Variants in FAM177A1 observed in about 807,000 individuals in gnomAD.
FAM177A1 encodes family with sequence similarity 177 member A1.
Under a neutral mutation model 26.1 loss-of-function variants are expected in FAM177A1, and 22 were observed. The ratio of observed to expected loss-of-function variants is 0.84; its 90% CI spans 0.60 to 1.20. The LOEUF is 1.20. Ranked by LOEUF, FAM177A1 falls within the 50% of genes most tolerant of loss-of-function variation. The probability of loss-of-function intolerance (pLI) is 0.00; values close to 1 mark genes in which losing one functional copy is unlikely to be tolerated. For missense variants in FAM177A1, 296 were observed against 291.1 expected, an observed-to-expected ratio of 1.02 and a Z score of -0.12; for synonymous variants, 95 against 99.3, an observed-to-expected ratio of 0.96 and a Z score of 0.26.
chr14:35,080,955 A>G, intron 4 of FAM177A1, 67 bp from the exon 5 acceptor site: 2 of 1,429,436 alleles, frequency 1.4e-6, no homozygotes, highest in Non-Finnish European at 1.8e-6. Flanking sequence ...ACAGTGGGGA[A>G]AACAGCACTA....
intron 2 of FAM177A1, among the ~76,000 whole-genome samples, chr14:35,064,863 A>T (rs2045217054): frequency 6.6e-6 from 1 of 152,218 alleles, no homozygotes; most frequent in Non-Finnish European, 1.5e-5. Flanking sequence ...CGTGTTAGCC[A>T]GGATGGTCTC....
chr14:35,074,799 T>C (rs1234321443), intron 2 of FAM177A1, among the ~76,000 whole-genome samples: 2 of 151,632 alleles, frequency 1.3e-5, no homozygotes, highest in Admixed American at 6.6e-5. Context: ...CCCAGCACTT[T>C]GGGAGGCTGA....
intron 1 of FAM177A1, among the ~76,000 whole-genome samples, chr14:35,052,936 C>T (rs550827037): frequency 6.6e-6 from 1 of 152,124 alleles, no homozygotes. Context: ...AAAAAAATTC[C>T]ATAGACTACT....
chr14:35,077,122 A>G (rs1566675707), intron 2 of FAM177A1, 28 bp from the exon 3 acceptor site: 1 of 1,576,246 alleles, frequency 6.3e-7, no homozygotes, highest in South Asian at 1.1e-5. Context: ...TTAGGTATGA[A>G]TGTTGCTAAC....
chr14:35,064,141 A>C (rs2045203717), intron 2 of FAM177A1, among the ~76,000 whole-genome samples: 2 of 151,272 alleles, frequency 1.3e-5, no homozygotes, highest in East Asian at 1.9e-4. Context: ...TAATCCCAGC[A>C]CTTTGGGAGG....
intron 4 of FAM177A1, among the ~76,000 whole-genome samples, chr14:35,079,641 C>A (rs911819944): frequency 6.6e-6 from 1 of 152,152 alleles, no homozygotes; most frequent in Non-Finnish European, 1.5e-5. Context: ...GCCTCAATCT[C>A]CTCATCTTTG....
chr14:35,071,850 A>T (rs2045326249), intron 2 of FAM177A1, among the ~76,000 whole-genome samples: 2 of 152,176 alleles, frequency 1.3e-5, no homozygotes, highest in Admixed American at 1.3e-4. Flanking sequence ...ATAACTTTTT[A>T]TTCCCCCCAA....
chr14:35,078,817 CCTT>C (rs1218719414), intron 3 of FAM177A1, 107 bp from the exon 4 acceptor site: 38 of 672,640 alleles, frequency 5.6e-5, no homozygotes, highest in Non-Finnish European at 6.9e-6. Flanking sequence ...TTTATAATCT[CCTT>C]GAGAGCAGGA....
At chr14:35,046,912 GGC>G (rs2044876642) in intron 1 of FAM177A1, 1 of 1,230,414 alleles carries the variant, frequency 8.1e-7, no homozygotes. Flanking sequence ...GAAGAAGAAA[GGC>G]GTGTCCCCCA....
intron 4 of FAM177A1, among the ~76,000 whole-genome samples, chr14:35,080,632 C>T (rs1338757130): frequency 6.6e-6 from 1 of 152,050 alleles, no homozygotes; most frequent in East Asian, 1.9e-4. Flanking sequence ...GAAACCCTGT[C>T]TTTACTAAAA....
At chr14:35,067,651 A>G (rs901097070) in intron 2 of FAM177A1, among the ~76,000 whole-genome samples, 3 of 152,180 alleles carry the variant, frequency 2.0e-5, no homozygotes, top group Non-Finnish European at 2.9e-5. Flanking sequence ...CACCAAGTGC[A>G]CCTGGGTTCC....
rs2044869749 is a variant in FAM177A1, at chr14:35,046,633, G to A, written c.165+5G>A. Reference sequence around the variant, plus strand: ...TTCGGGGAATCTGCAGGGCAGGTAGGTGGGGCCGCCGAGGCTGACGTCCGG... The same window carrying A: ...TTCGGGGAATCTGCAGGGCAGGTAGATGGGGCCGCCGAGGCTGACGTCCGG... On this transcript the variant is annotated splice_donor_5th_base_variant and intron_variant, in intron 1 of 4. Coordinates refer to ENST00000280987, the MANE Select transcript of FAM177A1 (RefSeq NM_173607.5). The A allele has an allele frequency of 6.5e-7, 1 of 1,530,090 alleles. No individual in the cohort carries two copies. The highest frequency in any genetic ancestry group is 2.5e-5 in the East Asian group (1 of 39,240). The allele number at this position is 1,530,090 out of a possible 1,614,324, so 94.8% of individuals were successfully genotyped here.
intron 2 of FAM177A1, among the ~76,000 whole-genome samples, chr14:35,058,974 C>T (rs1046886710): frequency 6.6e-6 from 1 of 151,948 alleles, no homozygotes; most frequent in Non-Finnish European, 1.5e-5. Flanking sequence ...GTCACTCTGT[C>T]GCCCAGGCTG....
At position 35,046,279 on chromosome 14, in the gene FAM177A1, A is replaced by G; in HGVS notation, c.-185A>G. 1.7e-6 allele frequency: 1 copy of G among 589,036 alleles called. No individual in the cohort carries two copies. Among genetic ancestry groups the G allele is most frequent in the Non-Finnish European group, 2.6e-6 (1 of 377,428 alleles). 36.5% of individuals were successfully genotyped at this position (589,036 alleles called of 1,614,324 possible). On this transcript the variant is annotated 5_prime_UTR_variant, in exon 1 of 5. Transcript: ENST00000280987. ...CCGGTAGTTGCGCCTCCCAGACTGC[A>G]GTTGGCCAGCTCTCGGGGTGCGGAG...
At chr14:35,077,062 C>T in intron 2 of FAM177A1, 88 bp from the exon 3 acceptor site, 1 of 977,748 alleles carries the variant, frequency 1.0e-6, no homozygotes, top group Non-Finnish European at 1.7e-6. Context: ...ATTCTCGGTG[C>T]CTACCAAGTA....
At chr14:35,072,120 C>A (rs1242545745) in intron 2 of FAM177A1, among the ~76,000 whole-genome samples, 1 of 151,146 alleles carries the variant, frequency 6.6e-6, no homozygotes, top group Admixed American at 6.6e-5. Flanking sequence ...ACTAAAAATA[C>A]AAAAATTAGC....
At chr14:35,049,564 A>T (rs1454383355) in intron 1 of FAM177A1, among the ~76,000 whole-genome samples, 18 of 152,190 alleles carry the variant, frequency 1.2e-4, no homozygotes, top group Non-Finnish European at 1.5e-5. Flanking sequence ...CCAGTGGATC[A>T]CTTGAGGTCA....
At position 35,046,290 on chromosome 14, in the gene FAM177A1, T is replaced by C. The variant is rs1256295168; in HGVS notation, c.-174T>C. The C allele has an allele frequency of 5.7e-6, 4 of 701,482 alleles. No homozygotes were observed. Among genetic ancestry groups the C allele is most frequent in the African/African-American group, 5.7e-5 (3 of 52,736 alleles). The allele number at this position is 701,482 out of a possible 1,614,324, so 43.5% of individuals were successfully genotyped here. ...GCCTCCCAGACTGCAGTTGGCCAGC[T>C]CTCGGGGTGCGGAGCCCGGCGGGCT... is the stretch of plus-strand genomic sequence containing the variant. On this transcript the variant is annotated 5_prime_UTR_variant, in exon 1 of 5. Transcript: ENST00000280987.
At chr14:35,071,238 C>G (rs1292245026) in intron 2 of FAM177A1, among the ~76,000 whole-genome samples, 1 of 152,066 alleles carries the variant, frequency 6.6e-6, no homozygotes, top group South Asian at 2.1e-4. Flanking sequence ...ACCTCGTGAT[C>G]CACCCTCCTC....
Sources: gnomAD v4.1 joint callset for allele counts (sites outside exome capture counted in the v4.1 genomes callset) on GRCh38, gnomAD v4.1.1 for gene constraint, MANE v1.5 for transcripts, NCBI Gene and HGNC (gene_info 2026-07-23, HGNC 2026-07-21) for gene names.